IQGAP1: variants seen among roughly 807,000 people sequenced by gnomAD.
IQGAP1 encodes the protein IQ motif containing GTPase activating protein 1.
Under a neutral mutation model 215.6 loss-of-function variants are expected in IQGAP1, and 66 were observed. The observed-to-expected ratio is 0.31, with a 90% CI of 0.25 to 0.38. The LOEUF (loss-of-function observed/expected upper bound fraction) is 0.38. IQGAP1 is among the 10% of genes least tolerant of loss of function. The pLI, the probability that IQGAP1 is intolerant of heterozygous loss-of-function variation, is 1.00. For synonymous variants in IQGAP1, 772 were observed against 728.7 expected (o/e 1.06, Z -0.96); for missense variants, 1,712 against 1,997.1 (o/e 0.86, Z 2.72).
chr15:90,422,301 T>C (rs912958955), intron 2 of IQGAP1, among the ~76,000 whole-genome samples: 19 of 152,124 alleles, frequency 1.2e-4, no homozygotes, highest in Admixed American at 1.2e-3. Context: ...TGCAAATAGA[T>C]TATTAGCCTC....
chr15:90,430,211 A>G (rs369327155), intron 4 of IQGAP1, among the ~76,000 whole-genome samples: 7 of 152,006 alleles, frequency 4.6e-5, no homozygotes, highest in African/African-American at 1.7e-4. Flanking sequence ...GAGTTTATTT[A>G]GTGTTGCTTT....
chr15:90,411,781 T>C (rs1180633235), intron 2 of IQGAP1, among the ~76,000 whole-genome samples: 2 of 152,188 alleles, frequency 1.3e-5, no homozygotes, highest in African/African-American at 4.8e-5. Context: ...TCATGCTCCA[T>C]GGTAAGTGGT....
intron 33 of IQGAP1, among the ~76,000 whole-genome samples, chr15:90,488,589 C>G (rs1966162182): frequency 1.3e-5 from 2 of 152,018 alleles, no homozygotes; most frequent in African/African-American, 4.8e-5. Context: ...GACATATATA[C>G]CTGAAACAGT....
intron 30 of IQGAP1, among the ~76,000 whole-genome samples, chr15:90,485,257 G>A (rs1169659685): frequency 1.3e-5 from 2 of 152,138 alleles, no homozygotes; most frequent in Admixed American, 1.3e-4. Flanking sequence ...ACTTTGTTGA[G>A]TGCCCCTACA....
intron 4 of IQGAP1, 132 bp downstream of exon 4, chr15:90,429,798 C>T (rs142207705): frequency 4.9e-4 from 260 of 535,060 alleles, no homozygotes; most frequent in Middle Eastern, 2.0e-3. Flanking sequence ...TAAAAGATGT[C>T]TTTCTTTTTG....
At position 90,454,444 on chromosome 15, in the gene IQGAP1, A is replaced by G; in HGVS notation, c.1504A>G (p.Met502Val). 2 of 1,613,682 alleles carry G rather than the reference A, an allele frequency of 1.2e-6. No homozygotes were observed. The highest frequency in any genetic ancestry group is 1.7e-6 in the Non-Finnish European group (2 of 1,179,780). ...ENCQRYLDEL[M>V]KLKAQAHAEN... ...CTGGGGCAGGTATCTCGATGAGTTGATGAAACTGAAGGCTCAGGCACATGC... is the reference window on the plus strand; with the variant it reads ...CTGGGGCAGGTATCTCGATGAGTTGGTGAAACTGAAGGCTCAGGCACATGC... Residue 502 changes from methionine (M) to valine (V), a missense_variant, in exon 14 of 38, where the codon ATG becomes GTG. Around this residue, in one of 2 missense-constraint regions of IQGAP1, gnomAD observed 1,021 missense variants for 1,074.2 expected, o/e 0.95. Transcript: ENST00000268182.
At chr15:90,395,377 A>G (rs1160881940) in intron 2 of IQGAP1, among the ~76,000 whole-genome samples, 8 of 151,824 alleles carry the variant, frequency 5.3e-5, no homozygotes, top group Admixed American at 3.3e-4. Flanking sequence ...CCAGAGTGCA[A>G]TGACGCTATC....
At position 90,448,746 on chromosome 15, in the gene IQGAP1, G is replaced by T; in HGVS notation, c.1077+10G>T. 1.9e-6 allele frequency: 3 copies of T among 1,548,834 alleles called. No homozygotes were observed. Among genetic ancestry groups the T allele is most frequent in the African/African-American group, 1.4e-5 (1 of 72,432 alleles). On this transcript the variant is annotated intron_variant, in intron 10 of 37. Coordinates refer to ENST00000268182, the MANE Select transcript of IQGAP1 (RefSeq NM_003870.4). ...ACAGCAGAAGAGACAGGTAAACATA[G>T]TCTGGATTGAAGCTGCAAGAGTTTG...
chr15:90,464,637 T>A (rs1270665778), intron 15 of IQGAP1, among the ~76,000 whole-genome samples: 2 of 151,918 alleles, frequency 1.3e-5, no homozygotes, highest in Admixed American at 1.3e-4. Flanking sequence ...GATCACAAGG[T>A]CAGGAGATTG....
intron 2 of IQGAP1, among the ~76,000 whole-genome samples, chr15:90,395,699 G>T (rs1474552440): frequency 1.3e-5 from 2 of 152,208 alleles, no homozygotes; most frequent in African/African-American, 4.8e-5. Context: ...TGTGAGGTAT[G>T]TTCAGTGCTT....
chr15:90,487,079 A>G lies in IQGAP1; in HGVS notation c.4150A>G (p.Ile1384Val), dbSNP rs770709235. The G allele has an allele frequency of 8.7e-6, 14 of 1,614,148 alleles. No individual in the cohort carries two copies. The highest frequency in any genetic ancestry group is 1.0e-5 in the Non-Finnish European group (12 of 1,180,002). The change falls in exon 32 of 38, where the codon ATC becomes GTC. Residue 1384 changes from isoleucine (I) to valine (V), a missense_variant. Transcript: ENST00000268182. ...DENAEMDARTILLNTKRLIVD... is the reference protein window; with the variant it reads ...DENAEMDARTVLLNTKRLIVD... ...GAATGCAGAAATGGATGCTCGAACC[A>G]TCTTACTGAAGTGAGTATCAAAAGA...
At chr15:90,472,742 CAGG>C in intron 18 of IQGAP1, 95 bp from the exon 19 acceptor site, 1 of 1,115,812 alleles carries the variant, frequency 9.0e-7, no homozygotes, top group Non-Finnish European at 1.3e-6. Context: ...ACTTAGGAAG[CAGG>C]AGGTGTTAGC....
At chr15:90,499,713 C>G (rs1417421300) in intron 37 of IQGAP1, among the ~76,000 whole-genome samples, 4 of 152,166 alleles carry the variant, frequency 2.6e-5, no homozygotes, top group Non-Finnish European at 5.9e-5. Flanking sequence ...CTTTTTCTTT[C>G]CATGTATGAT....
At chr15:90,433,865 C>A in intron 5 of IQGAP1, 70 bp downstream of exon 5, 1 of 894,014 alleles carries the variant, frequency 1.1e-6, no homozygotes. Flanking sequence ...AGTTTTTTAT[C>A]CTTGAGGTAA....
In IQGAP1 at chr15:90,477,768, C is replaced by G. The variant is rs1335605112; in HGVS notation, c.3208C>G (p.Gln1070Glu). ...TGCCCGTGGCCAGAATGCCCTGAGACAGATCTTGGCCCCAGTCGTGAAGGA... is the reference window on the plus strand; with the variant it reads ...TGCCCGTGGCCAGAATGCCCTGAGAGAGATCTTGGCCCCAGTCGTGAAGGA... ...RGARGQNALR[Q>E]ILAPVVKEIM... The change falls in exon 26 of 38, where the codon CAG becomes GAG. Residue 1070 changes from glutamine to glutamate, a missense_variant. Physicochemically the swap from Gln to Glu is conservative, Grantham distance 29. This residue lies in a region of IQGAP1 where 691 missense variants were observed against 923.0 expected (regional missense o/e 0.75). Coordinates refer to ENST00000268182, the MANE Select transcript of IQGAP1 (RefSeq NM_003870.4). 6.2e-7 allele frequency: 1 copy of G among 1,613,534 alleles called. No homozygotes were observed. The highest frequency in any genetic ancestry group is 2.2e-5 in the East Asian group (1 of 44,874).
At chr15:90,450,139 C>G (rs1206392676) in intron 11 of IQGAP1, among the ~76,000 whole-genome samples, 2 of 152,036 alleles carry the variant, frequency 1.3e-5, no homozygotes, top group African/African-American at 2.4e-5. Flanking sequence ...TCTCTATGTC[C>G]TCCTCCCCAC....
At chr15:90,410,498 A>G (rs1004794849) in intron 2 of IQGAP1, among the ~76,000 whole-genome samples, 6 of 152,196 alleles carry the variant, frequency 3.9e-5, no homozygotes, top group Admixed American at 3.9e-4. Context: ...ATGGAATACT[A>G]TGAAGCCATA....
chr15:90,417,705 G>T (rs10459704), intron 2 of IQGAP1, among the ~76,000 whole-genome samples: 32,597 of 151,910 alleles, frequency 0.21, 4,771 homozygotes, highest in African/African-American at 0.42. Context: ...GGCTCTTTTT[G>T]GGTTCCATAT....
At chr15:90,445,085 G>A (rs1038099822) in intron 9 of IQGAP1, among the ~76,000 whole-genome samples, 4 of 151,988 alleles carry the variant, frequency 2.6e-5, no homozygotes, top group African/African-American at 7.3e-5. Context: ...TCGCACCACT[G>A]CACTGTAGCC....
Sources: allele counts gnomAD v4.1 joint callset (sites outside exome capture counted in the v4.1 genomes callset), GRCh38; gene constraint gnomAD v4.1.1; regional missense constraint gnomAD v4.1.1; transcripts MANE v1.5; gene names NCBI Gene and HGNC (gene_info 2026-07-23, HGNC 2026-07-21).